The following AASDH variants were observed in gnomAD, a reference collection of about 807,000 sequenced individuals.
The protein encoded by AASDH is aminoadipate-semialdehyde dehydrogenase.
Under a neutral mutation model 102.3 loss-of-function variants are expected in AASDH, and 81 were observed. That is an observed-to-expected ratio of 0.79 (90% CI 0.66 to 0.95). The LOEUF (loss-of-function observed/expected upper bound fraction) is 0.95. AASDH is among the 40% of genes least tolerant of loss of function. The pLI, the probability that AASDH is intolerant of heterozygous loss-of-function variation, is 0.00. For synonymous variants in AASDH, 398 were observed against 454.0 expected (o/e 0.88, Z 1.57); for missense variants, 1,203 against 1,266.2 (o/e 0.95, Z 0.76).
chr4:56,345,353 C>T (rs1748209426), intron 11 of AASDH, 63 bp from the exon 12 acceptor site: 1 of 1,479,322 alleles, frequency 6.8e-7, no homozygotes, highest in Admixed American at 1.8e-5. Context: ...AATTCTTTAG[C>T]CTACAGCATG....
rs555488060 is a variant in AASDH at position 56,377,778 on chromosome 4, AT to A, written c.668+369del. Among the ~76,000 whole-genome samples, 1,139 of 152,164 alleles carry A rather than the reference AT, an allele frequency of 7.5e-3. 8 individuals are homozygous for A. Among genetic ancestry groups the A allele is most frequent in the Non-Finnish European group, 0.013 (878 of 67,984 alleles). Reference sequence around the variant, plus strand: ...TTATAAAACCAAACGTTTTAAAATTATTTTTTTCCCTTTAAAATACAAGGTT... The same window carrying A: ...TTATAAAACCAAACGTTTTAAAATTATTTTTTCCCTTTAAAATACAAGGTT... On this transcript the variant is annotated intron_variant, in intron 4 of 14. Coordinates refer to ENST00000205214, the MANE Select transcript of AASDH (RefSeq NM_181806.4).
chr4:56,371,595 AG>A lies in AASDH; in HGVS notation c.716del (p.Pro239LeufsTer2), dbSNP rs758982869. 1 of 1,611,236 alleles carries A rather than the reference AG, an allele frequency of 6.2e-7. No homozygotes were observed. Among genetic ancestry groups the A allele is most frequent in the African/African-American group, 1.3e-5 (1 of 74,786 alleles). ...TQEDVLFLAS[P>X]LTFDPSVVEI... is the part of the protein sequence containing the mutation. ...CCACAACAGAAGGATCGAAGGTCAG[AG>A]GTGAAGCCAGAAACAAAACATCTTC... On this transcript the variant is annotated frameshift_variant, in exon 5 of 15. Coordinates refer to ENST00000205214, the MANE Select transcript of AASDH (RefSeq NM_181806.4). LOFTEE classifies it high-confidence loss of function.
chr4:56,361,686 T>C lies in AASDH; in HGVS notation c.862-6263A>G, dbSNP rs571720599. Among the ~76,000 whole-genome samples, 543 of 152,320 alleles carry C rather than the reference T, an allele frequency of 3.6e-3. 1 individual carries two copies. The highest frequency in any genetic ancestry group is 5.8e-3 in the Non-Finnish European group (396 of 68,026). ...ATTTTACTCTAAAATGTTTTACTTT[T>C]AGACCATGCATGGTGGCTCATGCCT... is the stretch of plus-strand genomic sequence containing the variant. On this transcript the variant is annotated intron_variant, in intron 5 of 14. Coordinates refer to ENST00000205214, the MANE Select transcript of AASDH (RefSeq NM_181806.4).
chr4:56,382,180 G>C (rs912512700), intron 3 of AASDH: 1 of 287,458 alleles, frequency 3.5e-6, no homozygotes, highest in Non-Finnish European at 6.5e-6. Context: ...ACAATGGAGT[G>C]TGAGGGGTGG....
chr4:56,384,504 A>G (rs1014780761), intron 1 of AASDH, among the ~76,000 whole-genome samples, 163 bp from the exon 2 acceptor site: 1 of 152,234 alleles, frequency 6.6e-6, no homozygotes, highest in Non-Finnish European at 1.5e-5. Flanking sequence ...TTTACTGAGG[A>G]CAATGAGGTT....
chr4:56,360,870 T>A (rs753514603), intron 5 of AASDH, among the ~76,000 whole-genome samples: 111 of 152,334 alleles, frequency 7.3e-4, no homozygotes, highest in Admixed American at 1.6e-3. Flanking sequence ...ATGTCCCAGT[T>A]AAGATTCTGG....
intron 5 of AASDH, chr4:56,356,845 G>A (rs919785746): frequency 2.7e-5 from 23 of 853,472 alleles, no homozygotes; most frequent in African/African-American, 2.5e-4. Context: ...TCACTGGGGC[G>A]GCAATGTCCT....
At chr4:56,380,490 G>A (rs1438751912) in intron 3 of AASDH, among the ~76,000 whole-genome samples, 1 of 152,102 alleles carries the variant, frequency 6.6e-6, no homozygotes, top group Non-Finnish European at 1.5e-5. Context: ...GGTGTGGCCT[G>A]TAATATTTGA....
intron 5 of AASDH, among the ~76,000 whole-genome samples, chr4:56,364,246 T>C (rs1387572450): frequency 1.3e-5 from 2 of 152,160 alleles, no homozygotes; most frequent in Non-Finnish European, 2.9e-5. Flanking sequence ...GTCTGATTGG[T>C]GTACCTGAAA....
intron 5 of AASDH, among the ~76,000 whole-genome samples, chr4:56,362,750 T>TG (rs1750461622): frequency 6.6e-6 from 1 of 152,104 alleles, no homozygotes; most frequent in African/African-American, 2.4e-5. Context: ...AGATGAACCC[T>TG]GGGGGTGGAG....
intron 5 of AASDH, among the ~76,000 whole-genome samples, chr4:56,358,763 AAATGTGCC>A (rs1749922714): frequency 6.6e-6 from 1 of 152,154 alleles, no homozygotes; most frequent in African/African-American, 2.4e-5. Flanking sequence ...TTATCCTATG[AAATGTGCC>A]AATGTGCTTA....
chr4:56,385,975 G>C (rs1268005786), intron 1 of AASDH, among the ~76,000 whole-genome samples: 1 of 149,788 alleles, frequency 6.7e-6, no homozygotes, highest in Admixed American at 6.7e-5. Context: ...TTGATTTCCT[G>C]ACTCAAAATT....
rs1356640389 is a variant in AASDH, at chr4:56,366,754, A to C, written c.861+4697T>G. Among the ~76,000 whole-genome samples, 6 of 151,560 alleles carry C rather than the reference A, an allele frequency of 4.0e-5. No individual in the cohort carries two copies. The East Asian group carries it at 1.2e-3, about 29-fold the overall frequency. ...TAAGAGCTATCTATGACAAACCCAC[A>C]GCCAATATCATACTGAATGGACAAA... On this transcript the variant is annotated intron_variant, in intron 5 of 14. Transcript: ENST00000205214.
intron 4 of AASDH, among the ~76,000 whole-genome samples, chr4:56,372,699 C>T (rs919587484): frequency 6.6e-6 from 1 of 152,112 alleles, no homozygotes; most frequent in Admixed American, 6.6e-5. Context: ...GTGTAGGGGC[C>T]GAAAGGCTGT....
At chr4:56,379,071 C>T (rs6856845) in intron 3 of AASDH, among the ~76,000 whole-genome samples, 95,672 of 151,462 alleles carry the variant, frequency 0.63, 30,278 homozygotes, top group Admixed American at 0.71. Flanking sequence ...TTTTTTTTAG[C>T]AGAGACGGGG....
intron 5 of AASDH, among the ~76,000 whole-genome samples, chr4:56,370,498 C>T (rs1319024221): frequency 6.6e-6 from 1 of 152,158 alleles, no homozygotes; most frequent in Non-Finnish European, 1.5e-5. Context: ...GTGATTAGGT[C>T]ATGCAGGCAG....
chr4:56,384,915 A>C (rs748903593), intron 1 of AASDH, among the ~76,000 whole-genome samples: 2 of 152,112 alleles, frequency 1.3e-5, no homozygotes, highest in Non-Finnish European at 2.9e-5. Context: ...CTCTACTAAA[A>C]ATACAAAAAT....
chr4:56,350,141 T>C, intron 10 of AASDH, 83 bp from the exon 11 acceptor site: 2 of 1,126,070 alleles, frequency 1.8e-6, no homozygotes, highest in Admixed American at 2.9e-5. Flanking sequence ...TATATAGAGA[T>C]GAGAGTACCT....
At chr4:56,349,071 T>C in intron 11 of AASDH, 192 bp downstream of exon 11, 1 of 623,142 alleles carries the variant, frequency 1.6e-6, no homozygotes, top group Non-Finnish European at 2.8e-6. Context: ...ATAATAGCTA[T>C]ACAGGTAGGT....
Sources: allele counts gnomAD v4.1 joint callset (sites outside exome capture counted in the v4.1 genomes callset), GRCh38; gene constraint gnomAD v4.1.1; transcripts MANE v1.5; gene names NCBI Gene and HGNC (gene_info 2026-07-23, HGNC 2026-07-21).